The following SHPRH variants were observed in gnomAD, a reference collection of about 807,000 sequenced individuals.
SHPRH encodes the protein E3 ubiquitin-protein ligase SHPRH.
In SHPRH, 106 loss-of-function variants were observed where a neutral mutation model predicts 202.5. That is an observed-to-expected ratio of 0.52 (90% confidence interval 0.45 to 0.62). SHPRH has a LOEUF of 0.62. Ranked by LOEUF, SHPRH falls within the 20% of genes least tolerant of loss-of-function variation. SHPRH has a pLI of 0.00. For missense variants in SHPRH, 1,710 were observed against 2,020.0 expected (o/e 0.85, Z 2.94); for synonymous variants, 729 against 686.0 (o/e 1.06, Z -0.98).
chr6:145,937,825 T>C (rs1034292362), intron 11 of SHPRH, among the ~76,000 whole-genome samples: 7 of 152,176 alleles, frequency 4.6e-5, no homozygotes, highest in Admixed American at 2.0e-4. Context: ...TTTACCTAGC[T>C]CATGTTAATG....
At chr6:145,871,182 T>C (rs1260682595) in intron 2 of SHPRH, 1 of 152,052 alleles carries the variant, frequency 6.6e-6, no homozygotes, top group Non-Finnish European at 1.5e-5. Flanking sequence ...CCCTATTCAA[T>C]ATAGTATTGG....
intron 25 of SHPRH, chr6:145,905,948 A>G (rs1782922671): frequency 6.6e-6 from 1 of 151,984 alleles, no homozygotes; most frequent in Non-Finnish European, 1.5e-5. Flanking sequence ...CCCGTATTTT[A>G]TGAAACAAAT....
In SHPRH at chr6:145,943,522, A is replaced by G; in HGVS notation, c.1859T>C (p.Ile620Thr). The change falls in exon 9 of 30, where the codon ATC becomes ACC. Residue 620 changes from isoleucine (I) to threonine (T), a missense_variant. Ile to Thr is a moderately conservative substitution (Grantham distance 89). Transcript: ENST00000275233. ...TDVAMSKSTC[I>T]SEFNQEHETE... The stretch of plus-strand genomic sequence containing the variant: ...TTCATGTTCTTGGTTGAATTCAGAG[A>G]TACATGTACTTTTAGACATAGCAAC... 1 of 1,614,030 alleles carries G rather than the reference A, an allele frequency of 6.2e-7. No individual in the cohort carries two copies. The highest frequency in any genetic ancestry group is 8.5e-7 in the Non-Finnish European group (1 of 1,179,942).
chr6:145,928,057 A>AG (rs1785051446), intron 14 of SHPRH, among the ~76,000 whole-genome samples: 1 of 152,014 alleles, frequency 6.6e-6, no homozygotes, highest in Non-Finnish European at 1.5e-5. Flanking sequence ...TTCAAAAAAA[A>AG]TATTTCGTGA....
intron 28 of SHPRH, among the ~76,000 whole-genome samples, chr6:145,889,244 T>TTGC: frequency 6.6e-6 from 1 of 152,120 alleles, no homozygotes; most frequent in African/African-American, 2.4e-5. Context: ...CAAAGAACCC[T>TTGC]CAGACCACTG....
chr6:145,913,459 A>G lies in SHPRH; in HGVS notation c.4326+19T>C. The G allele has an allele frequency of 1.9e-6, 3 of 1,591,670 alleles. No homozygotes were observed. The highest frequency in any genetic ancestry group is 2.6e-6 in the Non-Finnish European group (3 of 1,164,626). On this transcript the variant is annotated intron_variant, in intron 24 of 29. Coordinates refer to ENST00000275233, the MANE Select transcript of SHPRH (RefSeq NM_001042683.3). ...GTAAGGTATTTTATAAATGCATGTG[A>G]TGTTTATCATAATTTTACCTGTTTT... is the stretch of plus-strand genomic sequence containing the variant.
chr6:145,927,263 C>T lies in SHPRH; in HGVS notation c.3127G>A (p.Ala1043Thr). The change falls in exon 15 of 30, where the codon GCA (alanine) becomes ACA (threonine). Residue 1043 changes from alanine (A) to threonine (T), a missense_variant. By Grantham distance (58) the Ala-to-Thr change is moderately conservative. Transcript: ENST00000275233. ...AACACTTCTCTGTACAATTCTGCTG[C>T]CAAGGCATACTCACCTAAAGAATTA... ...IHIIKGEYAL[A>T]AELYREVLRS... 2 of 1,611,538 alleles carry T rather than the reference C, an allele frequency of 1.2e-6. No individual in the cohort carries two copies. Among genetic ancestry groups the T allele is most frequent in the Non-Finnish European group, 8.5e-7 (1 of 1,178,620 alleles).
At chr6:145,872,518 T>A (rs1780101561) in intron 2 of SHPRH, among the ~76,000 whole-genome samples, 1 of 152,096 alleles carries the variant, frequency 6.6e-6, no homozygotes. Flanking sequence ...GGATGGTGAT[T>A]ATTAAAAAGT....
intron 24 of SHPRH, 79 bp downstream of exon 24, chr6:145,913,399 G>T: frequency 2.3e-6 from 3 of 1,332,570 alleles, no homozygotes; most frequent in Non-Finnish European, 1.1e-6. Context: ...TGAGAAAAAC[G>T]AGAGAAAGAT....
At chr6:145,910,694 C>T (rs556174152) in intron 24 of SHPRH, 58 bp from the exon 25 acceptor site, 1 of 1,423,184 alleles carries the variant, frequency 7.0e-7, no homozygotes, top group Non-Finnish European at 9.3e-7. Context: ...AATTTATAAG[C>T]ATATTAAAAA....
intron 23 of SHPRH, chr6:145,917,565 TAGA>T (rs1356005355): frequency 6.7e-6 from 1 of 149,452 alleles, no homozygotes; most frequent in Non-Finnish European, 1.5e-5. Flanking sequence ...ATCTTGCCCC[TAGA>T]AGGTTCTCTG....
chr6:145,950,505 A>G, intron 3 of SHPRH, 23 bp from the exon 4 acceptor site: 1 of 1,602,734 alleles, frequency 6.2e-7, no homozygotes, highest in Non-Finnish European at 8.5e-7. Flanking sequence ...CAGCAAATGT[A>G]CTCAAAAACT....
chr6:145,950,704 G>C (rs1030046528), intron 3 of SHPRH, among the ~76,000 whole-genome samples: 1 of 151,710 alleles, frequency 6.6e-6, no homozygotes. Flanking sequence ...ATTTTCTTTT[G>C]TTTTCCCTGG....
chr6:145,926,047 T>G (rs1476963481), intron 16 of SHPRH, among the ~76,000 whole-genome samples, 157 bp downstream of exon 16: 1 of 151,994 alleles, frequency 6.6e-6, no homozygotes, highest in Non-Finnish European at 1.5e-5. Context: ...TGCCATTCTC[T>G]GCTACCCAAA....
At chr6:145,858,918 G>C in the SHPRH span, among the ~76,000 whole-genome samples, 1 of 151,988 alleles carries the variant, frequency 6.6e-6, no homozygotes, top group African/African-American at 2.4e-5. Flanking sequence ...GGCTCTTCAT[G>C]ACTGGGCGGA....
Position 145,913,883 on chromosome 6 carries a change from A to T in SHPRH, c.4255-334T>A, listed in dbSNP as rs117262392. Among the ~76,000 whole-genome samples the T allele has an allele frequency of 4.2e-3, 637 of 152,286 alleles. 18 individuals are homozygous for T. The East Asian group carries it at 0.072, about 17-fold the overall frequency. Reference sequence around the variant, plus strand: ...AATCAAGGTAAATGTTCACTGGAGCATTTCAGGTAACAGATTTTCAGATTA... The same window carrying T: ...AATCAAGGTAAATGTTCACTGGAGCTTTTCAGGTAACAGATTTTCAGATTA... On this transcript the variant is annotated intron_variant, in intron 23 of 29. Coordinates refer to ENST00000275233, the MANE Select transcript of SHPRH (RefSeq NM_001042683.3).
chr6:145,887,727 G>A (rs1583297510), intron 29 of SHPRH, among the ~76,000 whole-genome samples: 1 of 151,970 alleles, frequency 6.6e-6, no homozygotes, highest in East Asian at 1.9e-4. Flanking sequence ...TAGAGATGGG[G>A]TTTCACCATG....
intron 15 of SHPRH, among the ~76,000 whole-genome samples, chr6:145,926,642 C>T (rs762183701): frequency 1.2e-4 from 18 of 151,890 alleles, no homozygotes; most frequent in Non-Finnish European, 2.1e-4. Flanking sequence ...GTAATGACAT[C>T]TTACCTGGGA....
At chr6:145,869,590 C>A (rs1172509229) in intron 2 of SHPRH, among the ~76,000 whole-genome samples, 1 of 152,076 alleles carries the variant, frequency 6.6e-6, no homozygotes, top group African/African-American at 2.4e-5. Flanking sequence ...ACAATCTTTG[C>A]TTCATTTTAT....
Sources: allele counts gnomAD v4.1 joint callset (sites outside exome capture counted in the v4.1 genomes callset), GRCh38; gene constraint gnomAD v4.1.1; transcripts MANE v1.5; gene names NCBI Gene and HGNC (gene_info 2026-07-23, HGNC 2026-07-21).